The following PITPNC1 variants were observed in gnomAD, a reference collection of about 807,000 sequenced individuals.
PITPNC1 encodes the protein phosphatidylinositol transfer protein cytoplasmic 1, also known as cytoplasmic phosphatidylinositol transfer protein 1.
PITPNC1 carries 18 observed loss-of-function variants against 44.7 expected under a neutral mutation model. The ratio of observed to expected loss-of-function variants is 0.40; its 90% CI spans 0.28 to 0.60. The LOEUF (loss-of-function observed/expected upper bound fraction) is 0.60, where lower values mean the gene tolerates loss of function less well. PITPNC1 is among the 20% of genes least tolerant of loss of function. The pLI, the probability that PITPNC1 is intolerant of heterozygous loss-of-function variation, is 0.39. For synonymous variants in PITPNC1, 141 were observed against 149.6 expected (o/e 0.94, Z 0.42); for missense variants, 290 against 418.4 (o/e 0.69, Z 2.68).
rs80236076 is a variant in PITPNC1, at chr17:67,391,060, C to CGTGTGTGTGTGTGTGTGTGT, written c.48+12865_48+12884dup. On this transcript the variant is annotated intron_variant, in intron 1 of 8. Coordinates refer to ENST00000581322, the MANE Select transcript of PITPNC1 (RefSeq NM_012417.4). ...CAGATTGATCTAATGACTTTTTTAG[C>CGTGTGTGTGTGTGTGTGTGT]GTGTGTGTGTGTGTGTGTGTGTGTG... Among the ~76,000 whole-genome samples the CGTGTGTGTGTGTGTGTGTGT allele has an allele frequency of 2.9e-3, 423 of 146,884 alleles. 2 individuals carry two copies. Among genetic ancestry groups the CGTGTGTGTGTGTGTGTGTGT allele is most frequent in the African/African-American group, 9.9e-3 (390 of 39,448 alleles).
chr17:67,471,597 AATT>A (rs2039533885), intron 1 of PITPNC1: 1 of 362,668 alleles, frequency 2.8e-6, no homozygotes, highest in Admixed American at 3.8e-5. Flanking sequence ...CTGGATTTGC[AATT>A]ATTCTGTAAA....
intron 1 of PITPNC1, among the ~76,000 whole-genome samples, chr17:67,403,151 G>A (rs2143825508): frequency 6.8e-6 from 1 of 147,060 alleles, no homozygotes; most frequent in African/African-American, 2.5e-5. Flanking sequence ...AAGGGGCCAA[G>A]GCGGGAGGAT....
intron 4 of PITPNC1, among the ~76,000 whole-genome samples, chr17:67,564,508 A>C (rs966730452): frequency 6.6e-6 from 1 of 152,120 alleles, no homozygotes; most frequent in African/African-American, 2.4e-5. Context: ...GCCCACCCAC[A>C]TTGAGGATGG....
chr17:67,404,590 C>G (rs1346563997), intron 1 of PITPNC1, among the ~76,000 whole-genome samples: 1 of 152,184 alleles, frequency 6.6e-6, no homozygotes, highest in Non-Finnish European at 1.5e-5. Flanking sequence ...ACCAAGCATG[C>G]TCTAAACCTG....
chr17:67,661,213 G>T (rs537285976), intron 6 of PITPNC1, among the ~76,000 whole-genome samples: 1 of 151,668 alleles, frequency 6.6e-6, no homozygotes, highest in Non-Finnish European at 1.5e-5. Context: ...GGTGGTTTCC[G>T]GGTTGGTTTA....
chr17:67,582,319 A>T (rs183350104), intron 5 of PITPNC1, among the ~76,000 whole-genome samples: 2 of 152,268 alleles, frequency 1.3e-5, no homozygotes, highest in African/African-American at 4.8e-5. Context: ...CGCGTTTCCA[A>T]ACTATTTAAT....
At chr17:67,457,968 T>G (rs1480522722) in intron 1 of PITPNC1, 2 of 152,264 alleles carry the variant, frequency 1.3e-5, no homozygotes, top group Non-Finnish European at 2.9e-5. Flanking sequence ...ACGCTTCTCC[T>G]GGGCTGCTCC....
chr17:67,600,488 A>G (rs2041526782), intron 5 of PITPNC1, among the ~76,000 whole-genome samples: 2 of 152,086 alleles, frequency 1.3e-5, no homozygotes, highest in Non-Finnish European at 2.9e-5. Flanking sequence ...CCAAAAAAGA[A>G]ACAAGAACAG....
chr17:67,577,139 C>T (rs1042552470), intron 4 of PITPNC1, among the ~76,000 whole-genome samples: 1 of 151,818 alleles, frequency 6.6e-6, no homozygotes, highest in Non-Finnish European at 1.5e-5. Context: ...TTTAAAAATC[C>T]GCCAGGCATG....
At chr17:67,511,728 C>T (rs776663812) in intron 1 of PITPNC1, among the ~76,000 whole-genome samples, 1 of 152,140 alleles carries the variant, frequency 6.6e-6, no homozygotes, top group African/African-American at 2.4e-5. Context: ...AAGCTGGTCT[C>T]GAACTCCTGA....
At chr17:67,555,453 A>G (rs2040823377) in intron 4 of PITPNC1, among the ~76,000 whole-genome samples, 1 of 152,152 alleles carries the variant, frequency 6.6e-6, no homozygotes, top group Non-Finnish European at 1.5e-5. Flanking sequence ...CTGCCTGTAT[A>G]CAGCAGGTAA....
In PITPNC1 at chr17:67,696,214, G is replaced by A. The variant is rs2043008935; in HGVS notation, c.*3326G>A. 1 of 152,198 alleles carries A rather than the reference G, an allele frequency of 6.6e-6. No individual in the cohort carries two copies. The highest frequency in any genetic ancestry group is 1.5e-5 in the Non-Finnish European group (1 of 68,022). The allele number at this position is 152,198 out of a possible 1,614,324, so 9.4% of individuals were successfully genotyped here. On this transcript the variant is annotated 3_prime_UTR_variant, in exon 9 of 9. Transcript: ENST00000581322. The stretch of plus-strand genomic sequence containing the variant: ...GACACTTACCACAATACCTGCAAAA[G>A]TAACTGTGGTTTTCTTTCAAGACAC...
chr17:67,502,984 C>CG (rs894354219), intron 1 of PITPNC1, among the ~76,000 whole-genome samples: 10 of 152,036 alleles, frequency 6.6e-5, no homozygotes, highest in Admixed American at 2.0e-4. Flanking sequence ...TCAGTAGAGA[C>CG]GGGGTCTCAC....
rs544375086 is a variant in PITPNC1, at chr17:67,380,798, C to T, written c.48+2596C>T. ...ACTTTTTTTTTTTCTTTTTGAGACA[C>T]GGTCTCGCTCTGTCATCCAGGCTGG... is the stretch of plus-strand genomic sequence containing the variant. On this transcript the variant is annotated intron_variant, in intron 1 of 8. Transcript: ENST00000581322. 4.0e-5 allele frequency among the ~76,000 whole-genome samples: 6 copies of T among 151,856 alleles called. No individual in the cohort carries two copies. The South Asian group carries it at 8.3e-4, about 21-fold the overall frequency.
In PITPNC1 at chr17:67,470,949, T is replaced by TA. The variant is rs554749365; in HGVS notation, c.49-61850dup. Among the ~76,000 whole-genome samples the TA allele has an allele frequency of 5.3e-3, 671 of 126,874 alleles. 7 individuals carry two copies. Among genetic ancestry groups the TA allele is most frequent in the Non-Finnish European group, 7.4e-3 (451 of 60,960 alleles). The allele number at this position is 126,874 out of a possible 152,430, so 83.2% of individuals were successfully genotyped here. A position where few individuals can be genotyped will look rare whatever the true frequency, so the allele number is the denominator to read the frequency against. On this transcript the variant is annotated intron_variant, in intron 1 of 8. Transcript: ENST00000581322. ...AACATGTGCTGTGTCCACTCAGGGT[T>TA]AAATGGATTAAGGGCGGTGCAAGAT...
intron 5 of PITPNC1, among the ~76,000 whole-genome samples, chr17:67,595,307 T>C (rs975064788): frequency 8.5e-5 from 13 of 152,164 alleles, no homozygotes; most frequent in Non-Finnish European, 1.8e-4. Context: ...AATGACTTGA[T>C]AGAACTCTGA....
intron 1 of PITPNC1, among the ~76,000 whole-genome samples, chr17:67,426,305 A>G (rs1331947034): frequency 1.3e-5 from 2 of 152,198 alleles, no homozygotes; most frequent in African/African-American, 2.4e-5. Flanking sequence ...AGACACATGC[A>G]CATGTATGTT....
At chr17:67,566,526 T>C (rs2040983491) in intron 4 of PITPNC1, among the ~76,000 whole-genome samples, 1 of 152,134 alleles carries the variant, frequency 6.6e-6, no homozygotes, top group African/African-American at 2.4e-5. Context: ...AAAAGCACTT[T>C]CATAATAAGA....
chr17:67,654,631 G>A (rs1316374922), intron 6 of PITPNC1, among the ~76,000 whole-genome samples: 2 of 152,106 alleles, frequency 1.3e-5, no homozygotes, highest in Non-Finnish European at 2.9e-5. Flanking sequence ...AACCCGCAAG[G>A]AAGTTTTTTG....
Sources: gnomAD v4.1 joint callset for allele counts (sites outside exome capture counted in the v4.1 genomes callset) on GRCh38, gnomAD v4.1.1 for gene constraint, MANE v1.5 for transcripts, NCBI Gene and HGNC (gene_info 2026-07-23, HGNC 2026-07-21) for gene names.